GABRB1: variants seen among roughly 807,000 people sequenced by gnomAD.
GABRB1 encodes gamma-aminobutyric acid type A receptor subunit beta1, also known as gamma-aminobutyric acid receptor subunit beta-1.
A neutral mutation model predicts 51.6 loss-of-function variants in GABRB1; 17 were observed. The observed-to-expected ratio is 0.33, with a 90% CI of 0.23 to 0.49. The LOEUF (loss-of-function observed/expected upper bound fraction) is 0.49, where lower values mean the gene tolerates loss of function less well. Among genes scored for constraint, GABRB1 ranks in the 20% least tolerant of loss-of-function variants. The pLI is 0.99. For synonymous variants in GABRB1, 247 were observed against 218.9 expected, an observed-to-expected ratio of 1.13 and a Z score of -1.14; for missense variants, 410 against 600.6, an observed-to-expected ratio of 0.68 and a Z score of 3.32.
chr4:46,998,390 G>C (rs1019319769), intron 1 of GABRB1, among the ~76,000 whole-genome samples: 2 of 152,020 alleles, frequency 1.3e-5, no homozygotes, highest in Non-Finnish European at 2.9e-5. Flanking sequence ...AGAAATATTA[G>C]TTATTCAATA....
At chr4:47,019,625 C>CTCTCTCTCTCTCTT (rs1274221477) in intron 1 of GABRB1, among the ~76,000 whole-genome samples, 188 of 91,100 alleles carry the variant, frequency 2.1e-3, no homozygotes, top group Non-Finnish European at 3.0e-3. Flanking sequence ...TTCTTTCTCT[C>CTCTCTCTCTCTCTT]TCTTTCTTTC....
Position 47,114,138 on chromosome 4 carries a change from C to A in GABRB1, c.241-47111C>A, listed in dbSNP as rs1467141623. 2.6e-5 allele frequency among the ~76,000 whole-genome samples: 4 copies of A among 152,296 alleles called. No homozygotes were observed. The East Asian group carries it at 7.7e-4, about 29-fold the overall frequency. On this transcript the variant is annotated intron_variant, in intron 3 of 8. Transcript: ENST00000295454. The stretch of plus-strand genomic sequence containing the variant: ...ACCAGAATCATGCGTTATTCCCGAC[C>A]ATCTACTTTTTCTCAATCCTATGTA...
intron 3 of GABRB1, among the ~76,000 whole-genome samples, chr4:47,038,917 T>C (rs1259355978): frequency 6.6e-6 from 1 of 152,162 alleles, no homozygotes; most frequent in Non-Finnish European, 1.5e-5. Flanking sequence ...TAGTACATAG[T>C]TCATCCATAA....
chr4:47,232,422 A>T (rs1289807334), intron 4 of GABRB1, among the ~76,000 whole-genome samples: 1 of 152,162 alleles, frequency 6.6e-6, no homozygotes, highest in Non-Finnish European at 1.5e-5. Context: ...TCATCCTCTG[A>T]CAATCCTTCA....
chr4:47,032,991 G>A, intron 3 of GABRB1: 1 of 334,426 alleles, frequency 3.0e-6, no homozygotes. Flanking sequence ...TCCAGGTTCA[G>A]GCACACCTGG....
At chr4:47,361,291 T>G (rs757687166) in intron 5 of GABRB1, among the ~76,000 whole-genome samples, 1 of 152,074 alleles carries the variant, frequency 6.6e-6, no homozygotes, top group Non-Finnish European at 1.5e-5. Flanking sequence ...ACAAAATATC[T>G]CATGGACTAA....
At chr4:47,311,073 A>AAG (rs1560327950) in intron 4 of GABRB1, among the ~76,000 whole-genome samples, 1 of 150,020 alleles carries the variant, frequency 6.7e-6, no homozygotes, top group East Asian at 2.0e-4. Context: ...AAAAAAAAAA[A>AAG]AAAAAAAAAA....
intron 4 of GABRB1, among the ~76,000 whole-genome samples, chr4:47,208,710 ATT>A (rs1478031861): frequency 2.0e-5 from 3 of 152,196 alleles, no homozygotes; most frequent in African/African-American, 7.2e-5. Context: ...TATCCAAGTG[ATT>A]GCTGACACTA....
intron 5 of GABRB1, among the ~76,000 whole-genome samples, chr4:47,353,566 C>T (rs923231514): frequency 5.9e-5 from 9 of 152,308 alleles, no homozygotes; most frequent in Admixed American, 5.2e-4. Flanking sequence ...AGGACACCAG[C>T]TCCACCAATT....
At chr4:47,288,382 C>T (rs1723595315) in intron 4 of GABRB1, among the ~76,000 whole-genome samples, 1 of 152,018 alleles carries the variant, frequency 6.6e-6, no homozygotes, top group South Asian at 2.1e-4. Flanking sequence ...CCTGCCTCAG[C>T]CTCCCAAGTA....
chr4:47,106,234 T>C (rs1714964685), intron 3 of GABRB1, among the ~76,000 whole-genome samples: 1 of 152,076 alleles, frequency 6.6e-6, no homozygotes. Flanking sequence ...AAACTGAAGT[T>C]CAAAGAGGTA....
chr4:47,400,409 T>C (rs1372488704), intron 5 of GABRB1, among the ~76,000 whole-genome samples: 2 of 152,220 alleles, frequency 1.3e-5, no homozygotes, highest in African/African-American at 4.8e-5. Flanking sequence ...ATATGCATTG[T>C]TATTTTTTCT....
intron 5 of GABRB1, among the ~76,000 whole-genome samples, chr4:47,327,103 G>A (rs898936422): frequency 1.3e-5 from 2 of 152,100 alleles, no homozygotes; most frequent in African/African-American, 4.8e-5. Flanking sequence ...ATTTAAGAAG[G>A]ATATTTTTAC....
chr4:47,211,998 A>C (rs1352830549), intron 4 of GABRB1, among the ~76,000 whole-genome samples: 1 of 152,150 alleles, frequency 6.6e-6, no homozygotes, highest in East Asian at 1.9e-4. Flanking sequence ...TTTTCATATA[A>C]GGTAACATTC....
intron 5 of GABRB1, among the ~76,000 whole-genome samples, chr4:47,369,966 A>G (rs1727127851): frequency 1.3e-5 from 2 of 152,166 alleles, no homozygotes; most frequent in Non-Finnish European, 2.9e-5. Flanking sequence ...TTTGTAGTCA[A>G]ACTCAAAGAA....
chr4:47,149,139 T>C (rs1028529661), intron 3 of GABRB1, among the ~76,000 whole-genome samples: 1 of 152,006 alleles, frequency 6.6e-6, no homozygotes, highest in Non-Finnish European at 1.5e-5. Context: ...GGTTTTATAT[T>C]GTTATAAACA....
chr4:47,019,633 T>TTCTTTC (rs1560498147), intron 1 of GABRB1, among the ~76,000 whole-genome samples: 3 of 43,654 alleles, frequency 6.9e-5, no homozygotes, highest in African/African-American at 2.5e-4. Flanking sequence ...CTCTCTTTCT[T>TTCTTTC]TCTTTCTTTC....
At chr4:47,124,680 C>T (rs759819118) in intron 3 of GABRB1, among the ~76,000 whole-genome samples, 7 of 151,938 alleles carry the variant, frequency 4.6e-5, no homozygotes, top group Non-Finnish European at 8.8e-5. Flanking sequence ...CAGAAAAGAA[C>T]CTAACAAATT....
chr4:47,201,361 G>A (rs936251754), intron 4 of GABRB1, among the ~76,000 whole-genome samples: 1 of 152,106 alleles, frequency 6.6e-6, no homozygotes, highest in Non-Finnish European at 1.5e-5. Flanking sequence ...CTGTTTTGGG[G>A]CAGGCACTCA....
Sources: allele counts gnomAD v4.1 joint callset (sites outside exome capture counted in the v4.1 genomes callset), GRCh38; gene constraint gnomAD v4.1.1; transcripts MANE v1.5; gene names NCBI Gene and HGNC (gene_info 2026-07-23, HGNC 2026-07-21).